The following KDM4C variants were observed in gnomAD, a reference collection of about 807,000 sequenced individuals.
KDM4C encodes lysine demethylase 4C.
KDM4C carries 81 observed loss-of-function variants against 129.3 expected under a neutral mutation model. The ratio of observed to expected loss-of-function variants is 0.63; its 90% confidence interval spans 0.52 to 0.75. The LOEUF is 0.75. Ranked by LOEUF, KDM4C falls within the 30% of genes least tolerant of loss-of-function variation. The pLI is 0.00. For synonymous variants in KDM4C, 573 were observed against 456.1 expected, an observed-to-expected ratio of 1.26 and a Z score of -3.26; for missense variants, 1,457 against 1,304.0, an observed-to-expected ratio of 1.12 and a Z score of -1.81.
intron 8 of KDM4C, among the ~76,000 whole-genome samples, chr9:6,930,965 C>G (rs1265942047): frequency 6.6e-6 from 1 of 152,142 alleles, no homozygotes; most frequent in African/African-American, 2.4e-5. Context: ...TGTATGGGAT[C>G]CTCTGAGTAC....
At chr9:6,875,494 A>G (rs1843409610) in intron 5 of KDM4C, among the ~76,000 whole-genome samples, 1 of 152,216 alleles carries the variant, frequency 6.6e-6, no homozygotes, top group African/African-American at 2.4e-5. Context: ...CCTGGTAGGT[A>G]GAACTATGAA....
At chr9:6,940,953 TCTTTA>T (rs1288565711) in intron 8 of KDM4C, among the ~76,000 whole-genome samples, 2 of 152,290 alleles carry the variant, frequency 1.3e-5, no homozygotes, top group East Asian at 3.9e-4. Context: ...TAATATTTGT[TCTTTA>T]CTTAATAATG....
rs115850061 is a variant in KDM4C at position 6,988,742 on chromosome 9, C to T, written c.1678-1674C>T. Among the ~76,000 whole-genome samples, 516 of 152,112 alleles carry T rather than the reference C, an allele frequency of 3.4e-3. 2 individuals carry two copies. Among genetic ancestry groups the T allele is most frequent in the African/African-American group, 0.012 (480 of 41,472 alleles). On this transcript the variant is annotated intron_variant, in intron 11 of 21. Coordinates refer to ENST00000381309, the MANE Select transcript of KDM4C (RefSeq NM_015061.6). ...GCTCAAAGCTGTACCTGGAACACAC[C>T]GAGTATGTTCTCACTTTACGTGCTA...
rs35661666 is a variant in KDM4C at position 7,008,621 on chromosome 9, T to TC, written c.1787-3074dup. Among the ~76,000 whole-genome samples, 5 of 152,242 alleles carry TC rather than the reference T, an allele frequency of 3.3e-5. No individual in the cohort carries two copies. In the East Asian group the frequency reaches 9.7e-4, roughly 29 times the overall value. Reference sequence around the variant, plus strand: ...CCCACAGACCAAACATCCAGGAACATCCCTGTGGATGCAGTTGACAGGACC... The same window carrying TC: ...CCCACAGACCAAACATCCAGGAACATCCCCTGTGGATGCAGTTGACAGGACC... On this transcript the variant is annotated intron_variant, in intron 12 of 21. Coordinates refer to ENST00000381309, the MANE Select transcript of KDM4C (RefSeq NM_015061.6).
Position 7,068,682 on chromosome 9 carries a change from C to CTCTCTTTTTTTTTTTTTTTTTTTTTT in KDM4C, c.2424+19483_2424+19484insCTCTTTTTTTTTTTTTTTTTTTTTTT. Among the ~76,000 whole-genome samples, 15 of 88,534 alleles carry CTCTCTTTTTTTTTTTTTTTTTTTTTT rather than the reference C, an allele frequency of 1.7e-4. 7 individuals are homozygous for CTCTCTTTTTTTTTTTTTTTTTTTTTT. The highest frequency in any genetic ancestry group is 1.3e-4 in the African/African-American group (3 of 22,402). 58.1% of individuals were successfully genotyped at this position (88,534 alleles called of 152,430 possible). A position where few individuals can be genotyped will look rare whatever the true frequency, so the allele number is the denominator to read the frequency against. ...CTATTTCATACATGTTTATGATGCC[C>CTCTCTTTTTTTTTTTTTTTTTTTTTT]TTTCTTTTTTTTTTTTTTTTTTTTT... On this transcript the variant is annotated intron_variant, in intron 17 of 21. Transcript: ENST00000381309.
chr9:6,852,540 T>C (rs907653745), intron 5 of KDM4C, among the ~76,000 whole-genome samples: 4 of 152,206 alleles, frequency 2.6e-5, no homozygotes, highest in African/African-American at 9.6e-5. Context: ...TGTATGCACA[T>C]GTGGGTGCGT....
At chr9:7,105,588 G>A in intron 18 of KDM4C, 2 of 405,406 alleles carry the variant, frequency 4.9e-6, no homozygotes, top group Non-Finnish European at 1.0e-5. Context: ...GATAATGAGT[G>A]GCAGGTGCTG....
intron 8 of KDM4C, among the ~76,000 whole-genome samples, chr9:6,925,951 T>G (rs192761373): frequency 1.3e-5 from 2 of 152,134 alleles, no homozygotes; most frequent in Non-Finnish European, 2.9e-5. Flanking sequence ...GTCACTGGAG[T>G]GGAACGTTTC....
intron 1 of KDM4C, among the ~76,000 whole-genome samples, chr9:6,763,770 T>C (rs546557885): frequency 1.7e-3 from 254 of 152,340 alleles, no homozygotes; most frequent in African/African-American, 6.0e-3. Context: ...ACTTTTTCTT[T>C]TTTTGAGATA....
intron 1 of KDM4C, among the ~76,000 whole-genome samples, chr9:6,761,076 C>T (rs950558738): frequency 6.8e-6 from 1 of 146,882 alleles, no homozygotes; most frequent in African/African-American, 2.5e-5. Flanking sequence ...ATGGCGCGAT[C>T]TCGGCTCACT....
At chr9:7,020,733 A>G (rs987337729) in intron 15 of KDM4C, among the ~76,000 whole-genome samples, 1 of 152,210 alleles carries the variant, frequency 6.6e-6, no homozygotes, top group Non-Finnish European at 1.5e-5. Flanking sequence ...ATACTTTGAT[A>G]CAGACATGCA....
rs57922673 is a variant in KDM4C, at chr9:6,809,079, A to C, written c.320+3305A>C. Among the ~76,000 whole-genome samples the C allele has an allele frequency of 9.3e-3, 1,414 of 152,314 alleles. 20 individuals are homozygous for C. The highest frequency in any genetic ancestry group is 0.031 in the African/African-American group (1,308 of 41,566). On this transcript the variant is annotated intron_variant, in intron 3 of 21. Transcript: ENST00000381309. ...TTATATTTGACATTGTAAGCACATG[A>C]TGCTACTTGAAGACTCTTATTTCTG...
At chr9:6,791,062 C>T (rs1826490486) in intron 1 of KDM4C, among the ~76,000 whole-genome samples, 1 of 152,184 alleles carries the variant, frequency 6.6e-6, no homozygotes, top group African/African-American at 2.4e-5. Flanking sequence ...CCCATACCTT[C>T]TTATAAGACT....
intron 8 of KDM4C, among the ~76,000 whole-genome samples, chr9:6,975,571 T>A (rs909321724): frequency 2.0e-5 from 3 of 149,738 alleles, no homozygotes; most frequent in African/African-American, 7.7e-5. Flanking sequence ...CTTCATATAT[T>A]TTTTTAAGGT....
At position 6,778,685 on chromosome 9, in the gene KDM4C, T is replaced by G. The variant is rs948917573; in HGVS notation, c.-17-14287T>G. Among the ~76,000 whole-genome samples the G allele has an allele frequency of 9.5e-4, 144 of 152,028 alleles. 1 individual carries two copies. Among genetic ancestry groups the G allele is most frequent in the Admixed American group, 1.9e-3 (29 of 15,292 alleles). Reference sequence around the variant, plus strand: ...GGGAGGCTGAGGCAGGAGAATCTCTTGAACCCAGGAAGCGGAGGTTGCAGT... The same window carrying G: ...GGGAGGCTGAGGCAGGAGAATCTCTGGAACCCAGGAAGCGGAGGTTGCAGT... On this transcript the variant is annotated intron_variant, in intron 1 of 21. Transcript: ENST00000381309.
At chr9:7,043,176 G>T (rs1054695460) in intron 15 of KDM4C, among the ~76,000 whole-genome samples, 1 of 151,904 alleles carries the variant, frequency 6.6e-6, no homozygotes, top group Non-Finnish European at 1.5e-5. Context: ...GAAATTTTTG[G>T]CATGGTACGT....
At chr9:6,939,551 C>T (rs1825457467) in intron 8 of KDM4C, among the ~76,000 whole-genome samples, 1 of 152,152 alleles carries the variant, frequency 6.6e-6, no homozygotes, top group Admixed American at 6.5e-5. Flanking sequence ...GAATGGGGAC[C>T]ACTGCCTTAA....
chr9:6,778,027 C>T (rs1049408682), intron 1 of KDM4C, among the ~76,000 whole-genome samples: 2 of 150,390 alleles, frequency 1.3e-5, no homozygotes, highest in Non-Finnish European at 1.5e-5. Context: ...CTCAGGGAAT[C>T]GTCCTGCCTC....
chr9:6,965,913 C>CA (rs1414264935), intron 8 of KDM4C, among the ~76,000 whole-genome samples: 1 of 152,146 alleles, frequency 6.6e-6, no homozygotes, highest in African/African-American at 2.4e-5. Flanking sequence ...GTCAAATTGA[C>CA]ACATAAAATT....
Sources: gnomAD v4.1 joint callset for allele counts (sites outside exome capture counted in the v4.1 genomes callset) on GRCh38, gnomAD v4.1.1 for gene constraint, MANE v1.5 for transcripts, NCBI Gene and HGNC (gene_info 2026-07-23, HGNC 2026-07-21) for gene names.